The following BAZ2B variants were observed in gnomAD, a reference collection of about 807,000 sequenced individuals.
BAZ2B encodes bromodomain adjacent to zinc finger domain 2B.
In BAZ2B, 91 loss-of-function variants were observed where a neutral mutation model predicts 246.0. That is an observed-to-expected ratio of 0.37 (90% confidence interval 0.31 to 0.44). BAZ2B has a LOEUF of 0.44. Ranked by LOEUF, BAZ2B falls within the 20% of genes least tolerant of loss-of-function variation. The pLI, the probability that BAZ2B is intolerant of heterozygous loss-of-function variation, is 1.00. For synonymous variants in BAZ2B, 855 were observed against 860.0 expected (o/e 0.99, Z 0.10); for missense variants, 2,332 against 2,533.7 (o/e 0.92, Z 1.71).
chr2:159,659,503 C>T, the BAZ2B span, among the ~76,000 whole-genome samples: 1 of 152,172 alleles, frequency 6.6e-6, no homozygotes, highest in Non-Finnish European at 1.5e-5. Flanking sequence ...TTTTGGTTAA[C>T]AAAACTGGGG....
At chr2:159,675,325 A>T in the BAZ2B span, among the ~76,000 whole-genome samples, 1 of 152,164 alleles carries the variant, frequency 6.6e-6, no homozygotes, top group Non-Finnish European at 1.5e-5. Context: ...CAGTTTAACA[A>T]ATGTTAAATG....
At chr2:159,347,356 G>T in intron 31 of BAZ2B, 130 bp downstream of exon 31, 1 of 1,097,984 alleles carries the variant, frequency 9.1e-7, no homozygotes, top group Non-Finnish European at 1.3e-6. Context: ...ATTAATCCAG[G>T]ATTGTTTTCA....
rs186401206 is a variant in BAZ2B at position 159,329,150 on chromosome 2, A to G, written c.5944-3232T>C. Among the ~76,000 whole-genome samples the G allele has an allele frequency of 2.8e-3, 421 of 151,668 alleles. 3 individuals carry two copies. The highest frequency in any genetic ancestry group is 9.6e-3 in the African/African-American group (396 of 41,424). On this transcript the variant is annotated intron_variant, in intron 34 of 36. Coordinates refer to ENST00000392783, the MANE Select transcript of BAZ2B (RefSeq NM_013450.4). ...TGTCTTAATAGGAAAAAAAAAAAAA[A>G]AAAGAAAATATAAAGCAAAAAATCC...
chr2:159,606,438 G>C (rs1373255343), intron 1 of BAZ2B, among the ~76,000 whole-genome samples: 1 of 152,166 alleles, frequency 6.6e-6, no homozygotes, highest in African/African-American at 2.4e-5. Flanking sequence ...AAATGTTGAA[G>C]ATAGGTTTTG....
intron 2 of BAZ2B, among the ~76,000 whole-genome samples, chr2:159,481,041 G>T (rs1336305267): frequency 6.8e-6 from 1 of 147,696 alleles, no homozygotes; most frequent in Non-Finnish European, 1.5e-5. Flanking sequence ...GTCAACTACT[G>T]CAAGTTCATC....
chr2:159,534,050 G>A (rs2151335057), intron 2 of BAZ2B, among the ~76,000 whole-genome samples: 1 of 152,220 alleles, frequency 6.6e-6, no homozygotes, highest in East Asian at 1.9e-4. Context: ...ATTTCATACT[G>A]TTATTTTTTG....
the BAZ2B span, among the ~76,000 whole-genome samples, chr2:159,648,543 T>C: frequency 1.3e-5 from 2 of 152,224 alleles, no homozygotes; most frequent in Non-Finnish European, 2.9e-5. Flanking sequence ...TTACTTTGCA[T>C]TTTTGGAAGT....
intron 1 of BAZ2B, among the ~76,000 whole-genome samples, chr2:159,590,269 CA>C (rs34798154): frequency 0.12 from 8,204 of 69,270 alleles, 1,301 homozygotes; most frequent in African/African-American, 0.39. Flanking sequence ...ATCTTCCACT[CA>C]AAAAAAAAAA....
intron 2 of BAZ2B, among the ~76,000 whole-genome samples, chr2:159,480,370 A>C (rs1347744342): frequency 6.6e-6 from 1 of 152,090 alleles, no homozygotes; most frequent in Non-Finnish European, 1.5e-5. Flanking sequence ...GATCAATATA[A>C]AATAGTCATT....
At chr2:159,557,776 T>A (rs1239546576) in intron 1 of BAZ2B, among the ~76,000 whole-genome samples, 1 of 152,166 alleles carries the variant, frequency 6.6e-6, no homozygotes, top group Non-Finnish European at 1.5e-5. Context: ...TCCTACTGCA[T>A]CCAGCATTAT....
At chr2:159,368,858 TAAAAAAAAAAA>T (rs58161936) in intron 27 of BAZ2B, among the ~76,000 whole-genome samples, 3 of 123,862 alleles carry the variant, frequency 2.4e-5, no homozygotes, top group Admixed American at 8.8e-5. Flanking sequence ...CTGAAAGGCC[TAAAAAAAAAAA>T]AAAAAAAAAA....
At position 159,404,893 on chromosome 2, in the gene BAZ2B, C is replaced by T; in HGVS notation, c.2788G>A (p.Glu930Lys). Residue 930 changes from glutamate (E) to lysine (K), a missense_variant, in exon 16 of 37, where the codon GAG becomes AAG. Transcript: ENST00000392783. Reference sequence around the variant, plus strand: ...ATCTGTTCTTTTTGCTTCCGCTTCTCCTCAGCAGCCATTATTGCTACAAGA... The same window carrying T: ...ATCTGTTCTTTTTGCTTCCGCTTCTTCTCAGCAGCCATTATTGCTACAAGA... ...KKQQAIMAAE[E>K]KRKQKEQIKI... 6.2e-7 allele frequency: 1 copy of T among 1,613,552 alleles called. No homozygotes were observed. Among genetic ancestry groups the T allele is most frequent in the East Asian group, 2.2e-5 (1 of 44,832 alleles).
chr2:159,555,031 C>T (rs1226090561), intron 2 of BAZ2B, among the ~76,000 whole-genome samples: 1 of 150,680 alleles, frequency 6.6e-6, no homozygotes, highest in Non-Finnish European at 1.5e-5. Context: ...AAAAACTCTA[C>T]CAAGGCTATA....
chr2:159,607,793 C>G (rs1438788886), intron 1 of BAZ2B, among the ~76,000 whole-genome samples: 1 of 152,106 alleles, frequency 6.6e-6, no homozygotes, highest in Non-Finnish European at 1.5e-5. Context: ...TTCAATGCTA[C>G]CTAAACCGAA....
intron 11 of BAZ2B, 125 bp from the exon 12 acceptor site, chr2:159,428,544 T>G (rs949754421): frequency 6.8e-6 from 4 of 585,254 alleles, no homozygotes; most frequent in East Asian, 3.0e-5. Context: ...AATAAACTCC[T>G]CAAACAACCC....
intron 2 of BAZ2B, 120 bp from the exon 3 acceptor site, chr2:159,478,841 T>C (rs2078929535): frequency 1.4e-6 from 1 of 725,990 alleles, no homozygotes; most frequent in South Asian, 5.0e-5. Flanking sequence ...ACATGTTCTT[T>C]GGAAAGAGAA....
At chr2:159,440,102 C>A (rs1484224961) in intron 6 of BAZ2B, among the ~76,000 whole-genome samples, 1 of 152,068 alleles carries the variant, frequency 6.6e-6, no homozygotes, top group East Asian at 1.9e-4. Flanking sequence ...ATAAAAAGTA[C>A]AAGCTCTGTC....
At chr2:159,469,809 CA>C (rs1183993693) in intron 3 of BAZ2B, among the ~76,000 whole-genome samples, 2 of 152,096 alleles carry the variant, frequency 1.3e-5, no homozygotes, top group Non-Finnish European at 2.9e-5. Flanking sequence ...CTTAAACAAA[CA>C]AACAACCAAA....
the BAZ2B span, among the ~76,000 whole-genome samples, chr2:159,642,868 C>T: frequency 2.8e-4 from 42 of 152,102 alleles, no homozygotes; most frequent in African/African-American, 9.2e-4. Context: ...ATCATTTTAT[C>T]CTTTGTGTTT....
Sources: allele counts gnomAD v4.1 joint callset (sites outside exome capture counted in the v4.1 genomes callset), GRCh38; gene constraint gnomAD v4.1.1; transcripts MANE v1.5; gene names NCBI Gene and HGNC (gene_info 2026-07-23, HGNC 2026-07-21).